The following MCFD2 variants were observed in gnomAD, a reference collection of about 807,000 sequenced individuals.
MCFD2 encodes multiple coagulation factor deficiency 2, ER cargo receptor complex subunit.
Under a neutral mutation model 12.8 loss-of-function variants are expected in MCFD2, and 11 were observed. The observed-to-expected ratio is 0.86, with a 90% confidence interval of 0.54 to 1.42. The LOEUF (loss-of-function observed/expected upper bound fraction) is 1.42, where lower values mean the gene tolerates loss of function less well. Among genes scored for constraint, MCFD2 ranks in the 40% most tolerant of loss-of-function variants. The pLI is 0.00. For missense variants in MCFD2, 191 were observed against 178.6 expected (o/e 1.07, Z -0.40); for synonymous variants, 70 against 68.1 (o/e 1.03, Z -0.14).
chr2:46,914,484 G>A (rs1668616443), intron 1 of MCFD2, among the ~76,000 whole-genome samples: 2 of 152,138 alleles, frequency 1.3e-5, no homozygotes, highest in African/African-American at 2.4e-5. Flanking sequence ...ACCTCTACAC[G>A]GACTGAGGGT....
intron 1 of MCFD2, among the ~76,000 whole-genome samples, chr2:46,923,782 G>C (rs1669236436): frequency 6.6e-6 from 1 of 151,986 alleles, no homozygotes; most frequent in African/African-American, 2.4e-5. Flanking sequence ...CACCAGGCTG[G>C]AGTGCAATGG....
chr2:46,922,805 C>CCAATT (rs1415769638), intron 1 of MCFD2, among the ~76,000 whole-genome samples: 1 of 152,108 alleles, frequency 6.6e-6, no homozygotes. Flanking sequence ...TGGGAGGCCT[C>CCAATT]CAATTCAATT....
chr2:46,924,610 A>AT (rs1669287165), intron 1 of MCFD2, among the ~76,000 whole-genome samples: 1 of 152,070 alleles, frequency 6.6e-6, no homozygotes, highest in African/African-American at 2.4e-5. Context: ...GTACCTTACT[A>AT]TTCATTGGAT....
upstream of MCFD2, chr2:46,915,807 C>CGCGGGGGGGG: frequency 1.2e-5 from 1 of 84,836 alleles, no homozygotes; most frequent in Non-Finnish European, 1.5e-5. Flanking sequence ...CTCGGCTTCG[C>CGCGGGGGGGG]CCCGCCCCCC....
At chr2:46,909,518 A>C (rs571344917) in intron 1 of MCFD2, among the ~76,000 whole-genome samples, 15 of 152,242 alleles carry the variant, frequency 9.9e-5, no homozygotes, top group Non-Finnish European at 1.9e-4. Context: ...CAGGAAAGGC[A>C]GCCAGCAAGT....
chr2:46,938,863 T>C (rs1030246617), intron 1 of MCFD2, among the ~76,000 whole-genome samples: 1 of 151,680 alleles, frequency 6.6e-6, no homozygotes, highest in African/African-American at 2.4e-5. Context: ...ATACAAAAAT[T>C]AGCTGAGCAT....
Position 46,940,820 on chromosome 2 carries a change from G to C in MCFD2, c.-8+752C>G, listed in dbSNP as rs1000053501. On this transcript the variant is annotated intron_variant, in intron 1 of 2. Transcript: ENST00000409147. The surrounding 1 kb of genome is among the most constrained non-coding windows in gnomAD (Gnocchi z 4.7). ...GGCGGACAGCGGCAGGCCAGCTCCCGGGAGGCTCGCCGTCGGGGTTGGGGC... is the reference window on the plus strand; with the variant it reads ...GGCGGACAGCGGCAGGCCAGCTCCCCGGAGGCTCGCCGTCGGGGTTGGGGC... Among the ~76,000 whole-genome samples, 1 of 152,114 alleles carries C rather than the reference G, an allele frequency of 6.6e-6. No homozygotes were observed. The highest frequency in any genetic ancestry group is 1.5e-5 in the Non-Finnish European group (1 of 68,002).
chr2:46,938,995 A>G (rs1172543859), intron 1 of MCFD2, among the ~76,000 whole-genome samples: 1 of 146,910 alleles, frequency 6.8e-6, no homozygotes, highest in East Asian at 2.0e-4. Context: ...TGGGCAACAG[A>G]GCGAGACTCT....
intron 1 of MCFD2, among the ~76,000 whole-genome samples, chr2:46,932,716 C>T (rs1386596179): frequency 6.6e-6 from 1 of 151,686 alleles, no homozygotes; most frequent in Admixed American, 6.6e-5. Flanking sequence ...GTTTGGCCAA[C>T]AAGGTGAAAC....
chr2:46,936,144 A>C (rs1669966337), intron 1 of MCFD2, among the ~76,000 whole-genome samples: 1 of 152,194 alleles, frequency 6.6e-6, no homozygotes, highest in African/African-American at 2.4e-5. Context: ...TAGCTTCCCA[A>C]ATACTGAGCT....
intron 1 of MCFD2, among the ~76,000 whole-genome samples, chr2:46,938,944 G>C (rs897648514): frequency 4.6e-5 from 7 of 151,646 alleles, no homozygotes; most frequent in African/African-American, 1.7e-4. Context: ...CTGGGAGGCG[G>C]AGGTTGTTGT....
At chr2:46,933,405 A>T (rs1444898258) in intron 1 of MCFD2, among the ~76,000 whole-genome samples, 6 of 152,246 alleles carry the variant, frequency 3.9e-5, no homozygotes, top group African/African-American at 1.4e-4. Flanking sequence ...CTGAGTGTCT[A>T]CTATGTGCAA....
chr2:46,933,670 C>T (rs892577076), intron 1 of MCFD2, among the ~76,000 whole-genome samples: 37 of 152,214 alleles, frequency 2.4e-4, no homozygotes, highest in Admixed American at 1.1e-3. Context: ...ATGTAGCGAT[C>T]CTGAGCCATG....
chr2:46,912,876 G>C (rs190176035), intron 1 of MCFD2, among the ~76,000 whole-genome samples: 1 of 152,304 alleles, frequency 6.6e-6, no homozygotes, highest in Non-Finnish European at 1.5e-5. Context: ...TACCACCTTT[G>C]CAGATATGCT....
chr2:46,933,647 A>C (rs1225066375), intron 1 of MCFD2, among the ~76,000 whole-genome samples: 3 of 152,214 alleles, frequency 2.0e-5, no homozygotes, highest in Non-Finnish European at 4.4e-5. Flanking sequence ...AATGAGTAAA[A>C]GTTGATTTCC....
chr2:46,916,911 G>T (rs920865808), upstream of MCFD2, among the ~76,000 whole-genome samples: 3 of 152,022 alleles, frequency 2.0e-5, no homozygotes, highest in African/African-American at 4.8e-5. Context: ...GGGATTACAG[G>T]CGTGAGCCAC....
intron 1 of MCFD2, among the ~76,000 whole-genome samples, chr2:46,911,724 A>C (rs1157398155): frequency 6.6e-6 from 1 of 151,288 alleles, no homozygotes; most frequent in African/African-American, 2.4e-5. Context: ...GATCGAGACC[A>C]CCCTGGCTAA....
At chr2:46,915,257 C>T (rs945187146) in intron 1 of MCFD2, among the ~76,000 whole-genome samples, 5 of 152,172 alleles carry the variant, frequency 3.3e-5, no homozygotes, top group Non-Finnish European at 7.4e-5. Flanking sequence ...GAATGATGCC[C>T]AATTCTGGCT....
In MCFD2 at chr2:46,908,636, C is replaced by A; in HGVS notation, c.149+387G>T. 1 of 314,940 alleles carries A rather than the reference C, an allele frequency of 3.2e-6. No individual in the cohort carries two copies. The allele number at this position is 314,940 out of a possible 1,614,324, so 19.5% of individuals were successfully genotyped here. ...AAGACAAAAGCTGCAACAAATGATT[C>A]AATGTTTGAATGTGTTGATTTAAAA... On this transcript the variant is annotated intron_variant, in intron 2 of 3. Transcript: ENST00000319466. The surrounding 1 kb of genome is among the most constrained non-coding windows in gnomAD (Gnocchi z 4.5).
Sources: gnomAD v4.1 joint callset for allele counts (sites outside exome capture counted in the v4.1 genomes callset) on GRCh38, gnomAD v4.1.1 for gene constraint, Gnocchi (gnomAD v3.1) non-coding constraint, MANE v1.5 for transcripts, NCBI Gene and HGNC (gene_info 2026-07-23, HGNC 2026-07-21) for gene names.